The following MTSS1 variants were observed in gnomAD, a reference collection of about 807,000 sequenced individuals.
The protein encoded by MTSS1 is MTSS I-BAR domain containing 1, also known as protein MTSS 1.
A neutral mutation model predicts 79.0 loss-of-function variants in MTSS1; 18 were observed. That is an observed-to-expected ratio of 0.23 (90% confidence interval 0.16 to 0.34). MTSS1 has a LOEUF of 0.34. Among genes scored for constraint, MTSS1 ranks in the 10% least tolerant of loss-of-function variants. The pLI is 1.00. For synonymous variants in MTSS1, 341 were observed against 368.6 expected (o/e 0.93, Z 0.86); for missense variants, 815 against 986.2 (o/e 0.83, Z 2.33).
chr8:124,580,432 G>T, intron 6 of MTSS1: 1 of 1,076,552 alleles, frequency 9.3e-7, no homozygotes, highest in Non-Finnish European at 1.3e-6. Flanking sequence ...AGGCACAGTT[G>T]ATTGTTTTGA....
chr8:124,670,615 C>A (rs1224044094), intron 3 of MTSS1, among the ~76,000 whole-genome samples: 3 of 152,200 alleles, frequency 2.0e-5, no homozygotes, highest in Non-Finnish European at 4.4e-5. Context: ...AGGAAGTGAG[C>A]TTCAGATAAA....
intron 6 of MTSS1, chr8:124,577,643 C>T (rs1267005462): frequency 3.9e-6 from 2 of 518,704 alleles, no homozygotes; most frequent in South Asian, 2.8e-5. Flanking sequence ...ATCCCTGCTT[C>T]CACCCAGACA....
chr8:124,579,459 A>G lies in MTSS1; in HGVS notation c.460+5628T>C, dbSNP rs1829618706. On this transcript the variant is annotated intron_variant, in intron 6 of 13. Transcript: ENST00000518547. Reference sequence around the variant, plus strand: ...ATAGTGGCGATGGTTGCATAACACCATGAATGTACTAAAAGCCACTGAAAC... The same window carrying G: ...ATAGTGGCGATGGTTGCATAACACCGTGAATGTACTAAAAGCCACTGAAAC... Among the ~76,000 whole-genome samples the G allele has an allele frequency of 3.3e-5, 5 of 152,236 alleles. No homozygotes were observed. The South Asian group carries it at 1.0e-3, about 32-fold the overall frequency.
At position 124,727,517 on chromosome 8, in the gene MTSS1, G is replaced by T. The variant is rs1383535899; in HGVS notation, c.72+367C>A. On this transcript the variant is annotated intron_variant, in intron 1 of 13. Coordinates refer to ENST00000518547, the MANE Select transcript of MTSS1 (RefSeq NM_014751.6). The surrounding 1 kb of genome is among the most constrained non-coding windows in gnomAD (Gnocchi z 4.7). ...CCCACCCCGTGCCCGGAGGAATCAG[G>T]TGTCCTCCCGGGCATCCAGCCCCCG... The T allele has an allele frequency of 4.3e-6, 2 of 468,602 alleles. No individual in the cohort carries two copies. The highest frequency in any genetic ancestry group is 8.5e-6 in the Non-Finnish European group (2 of 235,816). 29.0% of individuals were successfully genotyped at this position (468,602 alleles called of 1,614,324 possible). A position where few individuals can be genotyped will look rare whatever the true frequency, so the allele number is the denominator to read the frequency against.
Position 124,582,114 on chromosome 8 carries a change from G to T in MTSS1, c.460+2973C>A, listed in dbSNP as rs560957254. 6.6e-6 allele frequency among the ~76,000 whole-genome samples: 1 copy of T among 152,264 alleles called. No individual in the cohort carries two copies. The highest frequency in any genetic ancestry group is 2.1e-4 in the South Asian group (1 of 4,828). On this transcript the variant is annotated intron_variant, in intron 6 of 13. Coordinates refer to ENST00000518547, the MANE Select transcript of MTSS1 (RefSeq NM_014751.6). The surrounding 1 kb of genome is among the most constrained non-coding windows in gnomAD (Gnocchi z 4.8). ...GCACGAGCCCAGAATTTCTCTGAGG[G>T]TGAGGACTGGCTAACTCCTTGCCTC...
chr8:124,555,288 C>G (rs1172325871), intron 13 of MTSS1, among the ~76,000 whole-genome samples: 1 of 152,126 alleles, frequency 6.6e-6, no homozygotes, highest in African/African-American at 2.4e-5. Flanking sequence ...CTCTGTCACC[C>G]GGGCTGGAGT....
intron 2 of MTSS1, among the ~76,000 whole-genome samples, chr8:124,703,523 C>T (rs1010142867): frequency 2.0e-5 from 3 of 152,166 alleles, no homozygotes; most frequent in Admixed American, 1.3e-4. Context: ...GAACTCCTGA[C>T]CTTGTGATCT....
chr8:124,663,197 A>C (rs10094396), intron 3 of MTSS1, among the ~76,000 whole-genome samples: 3,606 of 151,942 alleles, frequency 0.024, 158 homozygotes, highest in African/African-American at 0.08. Flanking sequence ...ATGGCCAGAC[A>C]CTCCCTTTCG....
rs781093222 is a variant in MTSS1, at chr8:124,556,188, A to G, written c.1404+44T>C. The G allele has an allele frequency of 3.6e-5, 58 of 1,613,374 alleles. 1 individual carries two copies. ...GCTGGCCAGAATGTGATCCCCAGCC[A>G]GGCTGAGGTGGCCCCAACCAGCTAC... On this transcript the variant is annotated intron_variant, in intron 12 of 13. Transcript: ENST00000518547.
At chr8:124,626,962 T>C (rs973464152) in intron 3 of MTSS1, among the ~76,000 whole-genome samples, 6 of 152,270 alleles carry the variant, frequency 3.9e-5, no homozygotes, top group Non-Finnish European at 7.4e-5. Context: ...ACCCAGCCCC[T>C]GCCCAGCCTG....
intron 1 of MTSS1, among the ~76,000 whole-genome samples, chr8:124,705,054 T>C (rs923460811): frequency 4.6e-5 from 7 of 152,118 alleles, no homozygotes; most frequent in African/African-American, 1.7e-4. Context: ...GACGTCTCCC[T>C]TCCTACACAT....
At chr8:124,554,585 G>A (rs1026092501) in intron 13 of MTSS1, among the ~76,000 whole-genome samples, 3 of 152,204 alleles carry the variant, frequency 2.0e-5, no homozygotes, top group East Asian at 3.8e-4. Context: ...CCTGACTTGT[G>A]TGTGCAGTGG....
At chr8:124,629,902 G>A (rs1815574588) in intron 3 of MTSS1, among the ~76,000 whole-genome samples, 1 of 152,288 alleles carries the variant, frequency 6.6e-6, no homozygotes, top group South Asian at 2.1e-4. Context: ...CACACACCGT[G>A]CGTTCTTAAA....
intron 3 of MTSS1, among the ~76,000 whole-genome samples, chr8:124,639,749 C>T (rs549485022): frequency 2.4e-4 from 36 of 152,324 alleles, no homozygotes; most frequent in African/African-American, 8.4e-4. Context: ...CAGGCGTGAG[C>T]CACCGCGCCC....
chr8:124,652,022 CG>C (rs1820054585), intron 3 of MTSS1, among the ~76,000 whole-genome samples: 1 of 152,196 alleles, frequency 6.6e-6, no homozygotes, highest in African/African-American at 2.4e-5. Flanking sequence ...CCTCTCCCCT[CG>C]GAAACCTTCT....
chr8:124,574,032 G>T (rs953621186), intron 6 of MTSS1, among the ~76,000 whole-genome samples: 1 of 152,082 alleles, frequency 6.6e-6, no homozygotes, highest in African/African-American at 2.4e-5. Context: ...TCGCTCTGTT[G>T]CCTAGGCTGG....
At chr8:124,567,536 T>C (rs1426032154) in intron 7 of MTSS1, 2 of 1,217,430 alleles carry the variant, frequency 1.6e-6, no homozygotes, top group Admixed American at 3.2e-5. Context: ...CTGAAGTTGC[T>C]TAGCTTCAAT....
chr8:124,723,325 T>C (rs890399198), intron 1 of MTSS1, among the ~76,000 whole-genome samples: 11 of 152,202 alleles, frequency 7.2e-5, no homozygotes, highest in Admixed American at 6.5e-4. Flanking sequence ...TAGTAAGAAC[T>C]GGGCAATGGC....
chr8:124,662,275 T>A (rs572955949), intron 3 of MTSS1, among the ~76,000 whole-genome samples: 37 of 152,162 alleles, frequency 2.4e-4, no homozygotes, highest in Non-Finnish European at 2.4e-4. Flanking sequence ...GCTGCCTATC[T>A]GGTTTCTTGG....
Sources: gnomAD v4.1 joint callset for allele counts (sites outside exome capture counted in the v4.1 genomes callset) on GRCh38, gnomAD v4.1.1 for gene constraint, Gnocchi (gnomAD v3.1) non-coding constraint, MANE v1.5 for transcripts, NCBI Gene and HGNC (gene_info 2026-07-23, HGNC 2026-07-21) for gene names.